Variants in DLGAP1 observed in about 807,000 individuals in gnomAD.
DLGAP1 encodes disks large-associated protein 1.
A neutral mutation model predicts 90.8 loss-of-function variants in DLGAP1; 11 were observed. That is an observed-to-expected ratio of 0.12 (90% CI 0.08 to 0.20). The LOEUF (loss-of-function observed/expected upper bound fraction) is 0.20. Among genes scored for constraint, DLGAP1 ranks in the 10% least tolerant of loss-of-function variants. DLGAP1 has a pLI of 1.00. For synonymous variants in DLGAP1, 558 were observed against 540.7 expected (o/e 1.03, Z -0.44); for missense variants, 1,050 against 1,333.8 (o/e 0.79, Z 3.31).
At chr18:3,975,182 T>C (rs2073544119) in intron 3 of DLGAP1, among the ~76,000 whole-genome samples, 1 of 152,048 alleles carries the variant, frequency 6.6e-6, no homozygotes. Flanking sequence ...TTTTATGTGT[T>C]TTTTAATTAC....
At chr18:4,332,543 A>C (rs1023790687) in intron 1 of DLGAP1, among the ~76,000 whole-genome samples, 12 of 151,954 alleles carry the variant, frequency 7.9e-5, no homozygotes, top group African/African-American at 2.7e-4. Context: ...CCAAAGCTGC[A>C]TTCCTTAGGC....
intron 1 of DLGAP1, among the ~76,000 whole-genome samples, chr18:4,284,395 G>C (rs574351034): frequency 1.4e-4 from 21 of 152,160 alleles, no homozygotes; most frequent in Admixed American, 8.5e-4. Context: ...ACCAGTTAAT[G>C]CATCAAACGC....
At position 3,523,657 on chromosome 18, in the gene DLGAP1, C is replaced by G. The variant is rs186980706; in HGVS notation, c.2479+10537G>C. Among the ~76,000 whole-genome samples the G allele has an allele frequency of 2.6e-5, 4 of 151,934 alleles. No individual in the cohort carries two copies. In the East Asian group the frequency reaches 7.8e-4, roughly 30 times the overall value. ...GGTCAGGAGATCGAGACCATCCTGG[C>G]TAACACGGTGAAACCCCGTCTCTAC... On this transcript the variant is annotated intron_variant, in intron 10 of 12. Transcript: ENST00000315677.
intron 1 of DLGAP1, among the ~76,000 whole-genome samples, chr18:4,258,021 G>GCA (rs2042082273): frequency 6.7e-6 from 1 of 149,870 alleles, no homozygotes; most frequent in Non-Finnish European, 1.5e-5. Flanking sequence ...GCGCGCGCGC[G>GCA]CGTATAACCT....
intron 3 of DLGAP1, among the ~76,000 whole-genome samples, chr18:3,944,024 A>C (rs759067766): frequency 3.9e-5 from 6 of 152,224 alleles, no homozygotes; most frequent in Non-Finnish European, 8.8e-5. Context: ...CTGTTGTTTA[A>C]GCCACTCAGT....
At chr18:3,749,544 A>C (rs1057017715) in intron 5 of DLGAP1, among the ~76,000 whole-genome samples, 1 of 151,924 alleles carries the variant, frequency 6.6e-6, no homozygotes, top group Admixed American at 6.6e-5. Context: ...TTATTCCCTA[A>C]TACTTTATAA....
chr18:4,314,056 G>GAGA (rs1457931896), intron 1 of DLGAP1, among the ~76,000 whole-genome samples: 1 of 152,192 alleles, frequency 6.6e-6, no homozygotes, highest in Non-Finnish European at 1.5e-5. Flanking sequence ...GGAGAGAGGA[G>GAGA]AGGCATCTTT....
At chr18:4,012,003 C>G (rs1341391610) in intron 2 of DLGAP1, among the ~76,000 whole-genome samples, 1 of 152,130 alleles carries the variant, frequency 6.6e-6, no homozygotes, top group Admixed American at 6.5e-5. Context: ...CTCCCCACAC[C>G]CAACAGAACA....
chr18:3,771,599 C>G (rs1036321332), intron 5 of DLGAP1, among the ~76,000 whole-genome samples: 1 of 152,266 alleles, frequency 6.6e-6, no homozygotes, highest in African/African-American at 2.4e-5. Flanking sequence ...CTCTCCAAGT[C>G]AGGGTGCCTT....
At chr18:3,651,077 T>G (rs1368962994) in intron 7 of DLGAP1, among the ~76,000 whole-genome samples, 1 of 117,212 alleles carries the variant, frequency 8.5e-6, no homozygotes, top group African/African-American at 3.3e-5. Flanking sequence ...AAAAACAAAG[T>G]TGGCTGGGCA....
intron 7 of DLGAP1, among the ~76,000 whole-genome samples, chr18:3,631,062 C>A (rs1471613155): frequency 6.6e-6 from 1 of 151,960 alleles, no homozygotes; most frequent in Non-Finnish European, 1.5e-5. Context: ...CTCATTGCAT[C>A]CTCTGCCTGC....
At chr18:4,238,439 CA>C (rs1206080256) in intron 1 of DLGAP1, among the ~76,000 whole-genome samples, 1 of 152,162 alleles carries the variant, frequency 6.6e-6, no homozygotes, top group African/African-American at 2.4e-5. Context: ...AACTTCTTGA[CA>C]ACATTTTGAT....
chr18:3,765,352 G>A (rs1028580191), intron 5 of DLGAP1, among the ~76,000 whole-genome samples: 9 of 150,344 alleles, frequency 6.0e-5, no homozygotes, highest in South Asian at 2.1e-4. Flanking sequence ...GGATGGTCTC[G>A]ATCTCCTGAC....
chr18:3,703,489 G>C (rs968726188), intron 7 of DLGAP1, among the ~76,000 whole-genome samples: 2 of 152,224 alleles, frequency 1.3e-5, no homozygotes, highest in Non-Finnish European at 2.9e-5. Context: ...CTTCAAGCAC[G>C]AAAGTGCAGT....
chr18:4,008,966 C>T (rs1392780081), intron 2 of DLGAP1, among the ~76,000 whole-genome samples: 1 of 152,046 alleles, frequency 6.6e-6, no homozygotes, highest in African/African-American at 2.4e-5. Flanking sequence ...TGCGGTGGCG[C>T]GATCTCGGCT....
At chr18:3,547,163 T>A (rs1235099) in intron 9 of DLGAP1, among the ~76,000 whole-genome samples, 80,369 of 151,184 alleles carry the variant, frequency 0.53, 26,096 homozygotes, top group Non-Finnish European at 0.69. Context: ...TAGCCAGGCG[T>A]GGTGGCGGGC....
At position 3,879,327 on chromosome 18, in the gene DLGAP1, C is replaced by A. The variant is rs768176519; in HGVS notation, c.742G>T (p.Val248Leu). The A allele has an allele frequency of 6.2e-7, 1 of 1,604,920 alleles. No homozygotes were observed. Among genetic ancestry groups the A allele is most frequent in the Admixed American group, 1.7e-5 (1 of 58,988 alleles). ...TCGTTGTTGCTCCGGGAGGCCTTCA[C>A]CGCCTGCTCGCTGATGGTGTTGTAG... ...EAYNTISEQA[V>L]KASRSNNDVK... Residue 248 changes from valine (V) to leucine (L), a missense_variant, in exon 4 of 13, where the codon GTG becomes TTG. This residue lies in a region of DLGAP1 where 485 missense variants were observed against 454.1 expected (regional missense o/e 1.07). Transcript: ENST00000315677. This position sits in a 1 kb window ranked among gnomAD's most constrained non-coding sequence, Gnocchi z 6.6.
At chr18:3,874,445 G>A in intron 4 of DLGAP1, 1 of 1,435,848 alleles carries the variant, frequency 7.0e-7, no homozygotes, top group Non-Finnish European at 9.1e-7. Flanking sequence ...TTGCTCTTCT[G>A]AATGGCTTTA....
chr18:3,728,796 G>T (rs1184641786), intron 7 of DLGAP1, among the ~76,000 whole-genome samples: 2 of 152,150 alleles, frequency 1.3e-5, no homozygotes, highest in Non-Finnish European at 2.9e-5. Flanking sequence ...AAAAGGCCGA[G>T]CCTAATTATT....
Sources: gnomAD v4.1 joint callset for allele counts (sites outside exome capture counted in the v4.1 genomes callset) on GRCh38, gnomAD v4.1.1 for gene constraint, gnomAD v4.1.1 regional missense constraint, Gnocchi (gnomAD v3.1) non-coding constraint, MANE v1.5 for transcripts, NCBI Gene and HGNC (gene_info 2026-07-23, HGNC 2026-07-21) for gene names.